Variants in AKAP13 observed in about 807,000 individuals in gnomAD.
AKAP13 encodes A-kinase anchoring protein 13.
A neutral mutation model predicts 264.5 loss-of-function variants in AKAP13; 80 were observed. The observed-to-expected ratio is 0.30, with a 90% CI of 0.25 to 0.36. The LOEUF is 0.36. AKAP13 is among the 10% of genes least tolerant of loss of function. The pLI, the probability that AKAP13 is intolerant of heterozygous loss-of-function variation, is 1.00. For missense variants in AKAP13, 3,712 were observed against 3,435.2 expected (o/e 1.08, Z -2.01); for synonymous variants, 1,380 against 1,250.2 (o/e 1.10, Z -2.19).
chr15:85,432,992 T>C (rs2073091147), intron 1 of AKAP13, among the ~76,000 whole-genome samples: 1 of 152,058 alleles, frequency 6.6e-6, no homozygotes, highest in South Asian at 2.1e-4. Flanking sequence ...ATACTTAACA[T>C]TTTAGTTTTC....
At chr15:85,460,321 C>G (rs957107041) in intron 1 of AKAP13, among the ~76,000 whole-genome samples, 3 of 152,176 alleles carry the variant, frequency 2.0e-5, no homozygotes, top group Non-Finnish European at 2.9e-5. Flanking sequence ...TTTATTCTCC[C>G]TGGAAAGTAC....
intron 1 of AKAP13, among the ~76,000 whole-genome samples, chr15:85,414,833 C>T (rs935566572): frequency 6.6e-6 from 1 of 152,156 alleles, no homozygotes; most frequent in Non-Finnish European, 1.5e-5. Flanking sequence ...TAGGCTTTGC[C>T]TTGTATTAAA....
intron 2 of AKAP13, among the ~76,000 whole-genome samples, chr15:85,500,181 T>C (rs2076003112): frequency 6.6e-6 from 1 of 152,160 alleles, no homozygotes; most frequent in Non-Finnish European, 1.5e-5. Context: ...GTCACTTTGC[T>C]TTGATCTTTG....
At chr15:85,518,527 A>C (rs751201165) in intron 2 of AKAP13, among the ~76,000 whole-genome samples, 4 of 152,172 alleles carry the variant, frequency 2.6e-5, no homozygotes, top group Non-Finnish European at 5.9e-5. Flanking sequence ...CAAACAAACA[A>C]ACAAAACAAC....
At chr15:85,631,819 A>G (rs1385002663) in intron 8 of AKAP13, among the ~76,000 whole-genome samples, 1 of 152,188 alleles carries the variant, frequency 6.6e-6, no homozygotes, top group East Asian at 1.9e-4. Flanking sequence ...TATTTTTTGT[A>G]TCAGCCTGAA....
At chr15:85,437,626 TC>T (rs2073375111) in intron 1 of AKAP13, among the ~76,000 whole-genome samples, 1 of 152,164 alleles carries the variant, frequency 6.6e-6, no homozygotes, top group Non-Finnish European at 1.5e-5. Flanking sequence ...TCCGCCATGA[TC>T]AAGTGGGCTT....
At chr15:85,451,997 G>A (rs1020873644) in intron 1 of AKAP13, among the ~76,000 whole-genome samples, 1 of 151,846 alleles carries the variant, frequency 6.6e-6, no homozygotes, top group African/African-American at 2.4e-5. Context: ...GCCTTTGAGG[G>A]ATGCCAGTGA....
At chr15:85,632,035 CTG>C (rs1264673406) in intron 8 of AKAP13, among the ~76,000 whole-genome samples, 1 of 152,048 alleles carries the variant, frequency 6.6e-6, no homozygotes, top group East Asian at 1.9e-4. Flanking sequence ...TTGGCTGCCA[CTG>C]TGTGTAAAAT....
At chr15:85,529,197 G>A (rs2077173970) in intron 3 of AKAP13, among the ~76,000 whole-genome samples, 3 of 152,098 alleles carry the variant, frequency 2.0e-5, no homozygotes, top group Non-Finnish European at 4.4e-5. Flanking sequence ...CTAGGCGGGC[G>A]GATTACGAGG....
intron 8 of AKAP13, among the ~76,000 whole-genome samples, chr15:85,631,012 A>C (rs2081763330): frequency 6.6e-6 from 1 of 152,194 alleles, no homozygotes; most frequent in South Asian, 2.1e-4. Flanking sequence ...GAAAAAAAAA[A>C]CAACCACCCA....
In AKAP13 at chr15:85,581,791, G is replaced by C. The variant is rs1240798617; in HGVS notation, c.3723G>C (p.Leu1241=). ...TGGTCTCTGCCCAGGACGCACCTCT[G>C]CCTAAGGGGGCAGACTTGATAGAGG... The part of the protein sequence containing the change: ...PCMVSAQDAP[L]PKGADLIEEA... The change falls in exon 7 of 37, where the codon CTG becomes CTC. Residue 1241 remains leucine (L), a synonymous_variant. Coordinates refer to ENST00000394518, the MANE Select transcript of AKAP13 (RefSeq NM_007200.5). 1.9e-6 allele frequency: 3 copies of C among 1,614,170 alleles called. No homozygotes were observed. Among genetic ancestry groups the C allele is most frequent in the Non-Finnish European group, 2.5e-6 (3 of 1,179,998 alleles).
intron 1 of AKAP13, among the ~76,000 whole-genome samples, chr15:85,444,565 A>G (rs984921015): frequency 1.3e-5 from 2 of 152,206 alleles, no homozygotes; most frequent in Non-Finnish European, 1.5e-5. Context: ...CCCTTTTCAC[A>G]TGTTAGAAAA....
intron 16 of AKAP13, among the ~76,000 whole-genome samples, chr15:85,689,522 C>G (rs572563759): frequency 6.6e-6 from 1 of 152,170 alleles, no homozygotes; most frequent in Admixed American, 6.5e-5. Flanking sequence ...GCCTGTTTCT[C>G]CAGCACACAG....
At chr15:85,555,343 T>C (rs1596513568) in intron 5 of AKAP13, 2 of 978,162 alleles carry the variant, frequency 2.0e-6, no homozygotes, top group South Asian at 2.7e-5. Flanking sequence ...AACTAGATGC[T>C]GCAGTTCCTT....
At chr15:85,474,814 A>G (rs936993190) in intron 1 of AKAP13, among the ~76,000 whole-genome samples, 1 of 152,198 alleles carries the variant, frequency 6.6e-6, no homozygotes, top group African/African-American at 2.4e-5. Flanking sequence ...ATTGAAGACA[A>G]TATTTATTCT....
chr15:85,673,771 T>C (rs1009933157), intron 14 of AKAP13, among the ~76,000 whole-genome samples: 1 of 139,936 alleles, frequency 7.1e-6, no homozygotes, highest in Admixed American at 7.8e-5. Flanking sequence ...CTGCAAGCTC[T>C]GCCTCCCGGG....
chr15:85,463,417 A>G (rs894614210), intron 1 of AKAP13, among the ~76,000 whole-genome samples: 4 of 152,352 alleles, frequency 2.6e-5, no homozygotes, highest in Non-Finnish European at 4.4e-5. Context: ...GATCTGATTT[A>G]TCAAGCCTGA....
chr15:85,734,999 C>T lies in AKAP13; in HGVS notation c.7290C>T (p.Ile2430=). 1.2e-6 allele frequency: 2 copies of T among 1,613,256 alleles called. No individual in the cohort carries two copies. The highest frequency in any genetic ancestry group is 1.1e-5 in the South Asian group (1 of 90,912). Residue 2430 remains isoleucine (I), a synonymous_variant, in exon 31 of 37, where the codon ATC becomes ATT. Coordinates refer to ENST00000394518, the MANE Select transcript of AKAP13 (RefSeq NM_007200.5). ...LMKSAINEVE[I]LQGLVSGNLG... is the part of the protein sequence containing the mutation. Reference sequence around the variant, plus strand: ...ATGTTTCCTTTATTCCAGTGGAGATCCTTCAGGGTTTGGTGAGTGGAAATC... The same window carrying T: ...ATGTTTCCTTTATTCCAGTGGAGATTCTTCAGGGTTTGGTGAGTGGAAATC...
At chr15:85,688,031 T>TAAA (rs60030351) in intron 16 of AKAP13, among the ~76,000 whole-genome samples, 1 of 138,332 alleles carries the variant, frequency 7.2e-6, no homozygotes, top group South Asian at 2.3e-4. Flanking sequence ...CCCTGTCTCT[T>TAAA]AAAAAAAAAA....
Sources: gnomAD v4.1 joint callset for allele counts (sites outside exome capture counted in the v4.1 genomes callset) on GRCh38, gnomAD v4.1.1 for gene constraint, MANE v1.5 for transcripts, NCBI Gene and HGNC (gene_info 2026-07-23, HGNC 2026-07-21) for gene names.